Variants in MEP1A observed in about 807,000 individuals in gnomAD.
MEP1A encodes the protein N-benzoyl-L-tyrosyl-P-amino-benzoic acid hydrolase subunit alpha.
MEP1A carries 68 observed loss-of-function variants against 84.5 expected under a neutral mutation model. The ratio of observed to expected loss-of-function variants is 0.80; its 90% confidence interval spans 0.66 to 0.98. The LOEUF is 0.98. MEP1A is among the 50% of genes least tolerant of loss of function. The pLI is 0.00. For synonymous variants in MEP1A, 337 were observed against 336.8 expected, an observed-to-expected ratio of 1.00 and a Z score of -0.01; for missense variants, 887 against 919.9, an observed-to-expected ratio of 0.96 and a Z score of 0.46.
intron 10 of MEP1A, among the ~76,000 whole-genome samples, chr6:46,830,598 G>T (rs575825790): frequency 7.2e-5 from 11 of 152,246 alleles, no homozygotes; most frequent in African/African-American, 2.6e-4. Context: ...CTTGATTTAT[G>T]GCCAGATTAT....
At chr6:46,844,051 T>C (rs1444325831), downstream of MEP1A, among the ~76,000 whole-genome samples, 1 of 152,232 alleles carries the variant, frequency 6.6e-6, no homozygotes, top group Non-Finnish European at 1.5e-5. Context: ...GTTTTATGGA[T>C]AATTAGTCAC....
Position 46,838,980 on chromosome 6 carries a change from G to T in MEP1A, c.2085G>T (p.Arg695Ser). 1.9e-6 allele frequency: 3 copies of T among 1,610,884 alleles called. No homozygotes were observed. Among genetic ancestry groups the T allele is most frequent in the Non-Finnish European group, 2.5e-6 (3 of 1,177,706 alleles). Residue 695 changes from arginine (R) to serine (S), a missense_variant and splice_region_variant, in exon 14 of 14, where the codon AGG becomes AGT. Arg to Ser is a moderately radical substitution (Grantham distance 110, BLOSUM62 -1). Transcript: ENST00000230588. ...CVNVKGMASC[R>S]CISGHAFFYT... ...CTCCCTTCATGTCCTTTTCCCTCAG[G>T]TGCATCTCTGGACATGCTTTCTTCT...
chr6:46,820,686 C>T (rs963639966), intron 7 of MEP1A, among the ~76,000 whole-genome samples: 2 of 152,094 alleles, frequency 1.3e-5, no homozygotes, highest in Admixed American at 1.3e-4. Context: ...CCACCGTGTC[C>T]GGCCCTTACT....
At chr6:46,838,166 T>G (rs892470558) in intron 13 of MEP1A, among the ~76,000 whole-genome samples, 7 of 152,076 alleles carry the variant, frequency 4.6e-5, no homozygotes, top group African/African-American at 1.7e-4. Context: ...GTGCTGGTAT[T>G]ACAGGCGTAT....
At chr6:46,829,067 T>G (rs575151545) in intron 9 of MEP1A, among the ~76,000 whole-genome samples, 3 of 152,318 alleles carry the variant, frequency 2.0e-5, no homozygotes, top group Admixed American at 6.5e-5. Flanking sequence ...CAAAATTCCA[T>G]CAAACATTGC....
At chr6:46,811,369 G>A (rs768338926) in intron 6 of MEP1A, among the ~76,000 whole-genome samples, 7 of 151,954 alleles carry the variant, frequency 4.6e-5, no homozygotes, top group Non-Finnish European at 7.4e-5. Flanking sequence ...GGAGCTTTTT[G>A]GATGAGTCTT....
chr6:46,827,105 TAG>T lies in MEP1A; in HGVS notation c.928+603_928+604del, dbSNP rs1747186698. Reference sequence around the variant, plus strand: ...ACAATTCAAGCACTCAATAGCCACATAGGTTTGGTAGCCACTGTATTGGATAG... The same window carrying T: ...ACAATTCAAGCACTCAATAGCCACATGTTTGGTAGCCACTGTATTGGATAG... On this transcript the variant is annotated intron_variant, in intron 9 of 13. Coordinates refer to ENST00000230588, the MANE Select transcript of MEP1A (RefSeq NM_005588.3). 2.0e-5 allele frequency among the ~76,000 whole-genome samples: 3 copies of T among 152,212 alleles called. No individual in the cohort carries two copies. In the South Asian group the frequency reaches 6.2e-4, roughly 31 times the overall value.
intron 13 of MEP1A, among the ~76,000 whole-genome samples, chr6:46,837,087 T>A (rs569288336): frequency 6.6e-6 from 1 of 152,332 alleles, no homozygotes; most frequent in East Asian, 1.9e-4. Flanking sequence ...CCTCACACAC[T>A]AATTTCAGCA....
In MEP1A at chr6:46,838,977, C is replaced by G; in HGVS notation, c.2085-3C>G. The stretch of plus-strand genomic sequence containing the variant: ...ACACTCCCTTCATGTCCTTTTCCCT[C>G]AGGTGCATCTCTGGACATGCTTTCT... On this transcript the variant is annotated splice_polypyrimidine_tract_variant and splice_region_variant and intron_variant, in intron 13 of 13. Coordinates refer to ENST00000230588, the MANE Select transcript of MEP1A (RefSeq NM_005588.3). The G allele has an allele frequency of 6.2e-7, 1 of 1,609,628 alleles. No individual in the cohort carries two copies. Among genetic ancestry groups the G allele is most frequent in the East Asian group, 2.2e-5 (1 of 44,752 alleles).
downstream of MEP1A, chr6:46,839,916 A>G (rs549055433): frequency 3.0e-4 from 46 of 152,246 alleles, no homozygotes; most frequent in African/African-American, 1.0e-3. Flanking sequence ...ACATTATCAT[A>G]TTAACAAACT....
At chr6:46,843,903 A>G (rs1419900860), downstream of MEP1A, among the ~76,000 whole-genome samples, 4 of 152,242 alleles carry the variant, frequency 2.6e-5, no homozygotes, top group Non-Finnish European at 5.9e-5. Context: ...ACTTAATAGC[A>G]GAATCTATTA....
At chr6:46,800,771 C>G (rs144532605) in intron 5 of MEP1A, among the ~76,000 whole-genome samples, 2,088 of 152,192 alleles carry the variant, frequency 0.014, 56 homozygotes, top group Non-Finnish European at 0.013. Flanking sequence ...TGCACACTTC[C>G]ATCATTCCAT....
chr6:46,824,717 TTAAATATATATAAATTA>T (rs1767868136), intron 7 of MEP1A, among the ~76,000 whole-genome samples: 2 of 124,736 alleles, frequency 1.6e-5, no homozygotes, highest in Non-Finnish European at 3.2e-5. Context: ...ATAGATGTAT[TTAAATATATATAAATTA>T]TGTATTTAAA....
At chr6:46,830,814 C>T (rs543818141) in intron 10 of MEP1A, among the ~76,000 whole-genome samples, 75 of 152,218 alleles carry the variant, frequency 4.9e-4, no homozygotes, top group African/African-American at 1.6e-3. Context: ...GAGGGGTTCA[C>T]TTTTCTGGTT....
intron 9 of MEP1A, among the ~76,000 whole-genome samples, chr6:46,826,988 AG>A (rs1408705141): frequency 2.0e-5 from 3 of 152,204 alleles, no homozygotes; most frequent in African/African-American, 7.2e-5. Flanking sequence ...TCAAAATAAA[AG>A]TTATTATGAG....
chr6:46,818,532 T>C (rs1767693233), intron 6 of MEP1A, among the ~76,000 whole-genome samples: 1 of 151,928 alleles, frequency 6.6e-6, no homozygotes, highest in Non-Finnish European at 1.5e-5. Context: ...AGGTGAAAAA[T>C]TGGGTTTATG....
intron 7 of MEP1A, among the ~76,000 whole-genome samples, chr6:46,824,984 A>G (rs1214490373): frequency 1.5e-5 from 2 of 131,712 alleles, no homozygotes; most frequent in East Asian, 2.1e-4. Flanking sequence ...TATAAATTAT[A>G]TATTTAAATA....
At position 46,833,055 on chromosome 6, in the gene MEP1A, C is replaced by G. The variant is rs376794493; in HGVS notation, c.1145-19C>G. The G allele has an allele frequency of 1.8e-5, 25 of 1,414,324 alleles. 1 individual carries two copies. In the South Asian group the frequency reaches 3.3e-4, roughly 19 times the overall value. The allele number at this position is 1,414,324 out of a possible 1,614,324, so 87.6% of individuals were successfully genotyped here. A position where few individuals can be genotyped will look rare whatever the true frequency, so the allele number is the denominator to read the frequency against. ...AAGTGTTGGTCACAGTTCTCACCAG[C>G]CTTGTTCTCTGTCCTCAGGAGATGA... On this transcript the variant is annotated intron_variant, in intron 10 of 13. Coordinates refer to ENST00000230588, the MANE Select transcript of MEP1A (RefSeq NM_005588.3).
At chr6:46,797,832 T>TTCTCTCTC (rs1483509741) in intron 3 of MEP1A, among the ~76,000 whole-genome samples, 1 of 132,092 alleles carries the variant, frequency 7.6e-6, no homozygotes, top group East Asian at 2.2e-4. Context: ...CTTTCTTTCT[T>TTCTCTCTC]TCTTTCTCTC....
Sources: gnomAD v4.1 joint callset for allele counts (sites outside exome capture counted in the v4.1 genomes callset) on GRCh38, gnomAD v4.1.1 for gene constraint, MANE v1.5 for transcripts, NCBI Gene and HGNC (gene_info 2026-07-23, HGNC 2026-07-21) for gene names.